The following NETO2 variants were observed in gnomAD, a reference collection of about 807,000 sequenced individuals.
The protein encoded by NETO2 is neuropilin and tolloid-like protein 2.
A neutral mutation model predicts 62.5 loss-of-function variants in NETO2; 28 were observed. The observed-to-expected ratio is 0.45, with a 90% CI of 0.33 to 0.61. The LOEUF (loss-of-function observed/expected upper bound fraction) is 0.61. NETO2 is among the 20% of genes least tolerant of loss of function. The probability of loss-of-function intolerance (pLI) is 0.02; values close to 1 mark genes in which losing one functional copy is unlikely to be tolerated. For missense variants in NETO2, 548 were observed against 643.2 expected, an observed-to-expected ratio of 0.85 and a Z score of 1.60; for synonymous variants, 214 against 219.1, an observed-to-expected ratio of 0.98 and a Z score of 0.21.
intron 6 of NETO2, among the ~76,000 whole-genome samples, chr16:47,110,338 A>G (rs1963768385): frequency 6.6e-6 from 1 of 152,212 alleles, no homozygotes; most frequent in Admixed American, 6.5e-5. Flanking sequence ...CTCTATTAGC[A>G]TCCCCCATTC....
At chr16:47,098,891 T>G (rs1240073933) in intron 7 of NETO2, among the ~76,000 whole-genome samples, 1 of 152,074 alleles carries the variant, frequency 6.6e-6, no homozygotes, top group Non-Finnish European at 1.5e-5. Context: ...TTTTTTTTTG[T>G]GTATGTGACG....
chr16:47,102,468 C>T (rs1963573228), intron 7 of NETO2, among the ~76,000 whole-genome samples: 1 of 151,742 alleles, frequency 6.6e-6, no homozygotes, highest in Admixed American at 6.6e-5. Context: ...AGCTTCTGCA[C>T]AGCAAAAGAA....
rs1259010852 is a variant in NETO2 at position 47,083,713 on chromosome 16, G to T, written c.1086C>A (p.Leu362=). ...GITSGIVLVL[L]IISILVQVKQ... Reference sequence around the variant, plus strand: ...TCACTTGTACTAAAATAGAAATAATGAGAAGGACCAAGACAATCCCTGAAG... The same window carrying T: ...TCACTTGTACTAAAATAGAAATAATTAGAAGGACCAAGACAATCCCTGAAG... The change falls in exon 9 of 9, where the codon CTC becomes CTA. Residue 362 remains leucine (L), a synonymous_variant. Coordinates refer to ENST00000562435, the MANE Select transcript of NETO2 (RefSeq NM_018092.5). The T allele has an allele frequency of 1.2e-6, 2 of 1,614,028 alleles. No individual in the cohort carries two copies. The highest frequency in any genetic ancestry group is 1.7e-6 in the Non-Finnish European group (2 of 1,180,018).
At position 47,078,596 on chromosome 16, in the gene NETO2, G is replaced by A. The variant is rs1439022306; in HGVS notation, c.*4625C>T. ...ATTAGCAGAGGTATATAAAACATAA[G>A]TGATTTTGCAGAAAACTAAAATATC... On this transcript the variant is annotated 3_prime_UTR_variant, in exon 9 of 9. Coordinates refer to ENST00000562435, the MANE Select transcript of NETO2 (RefSeq NM_018092.5). 6.6e-6 allele frequency: 1 copy of A among 152,154 alleles called. No individual in the cohort carries two copies. Among genetic ancestry groups the A allele is most frequent in the African/African-American group, 2.4e-5 (1 of 41,434 alleles). The allele number at this position is 152,154 out of a possible 1,614,324, so 9.4% of individuals were successfully genotyped here. A position where few individuals can be genotyped will look rare whatever the true frequency, so the allele number is the denominator to read the frequency against.
intron 7 of NETO2, among the ~76,000 whole-genome samples, chr16:47,108,306 A>G (rs1450825498): frequency 1.3e-5 from 2 of 152,210 alleles, no homozygotes; most frequent in Non-Finnish European, 1.5e-5. Flanking sequence ...TGCTAAAATT[A>G]GTGGGTTAGA....
intron 7 of NETO2, among the ~76,000 whole-genome samples, chr16:47,097,665 G>C (rs924874029): frequency 6.6e-6 from 1 of 152,146 alleles, no homozygotes; most frequent in African/African-American, 2.4e-5. Context: ...CACAGCACTC[G>C]AGCTCTCCTA....
chr16:47,081,231 A>C lies in NETO2; in HGVS notation c.*1990T>G, dbSNP rs1963055289. 2 of 152,176 alleles carry C rather than the reference A, an allele frequency of 1.3e-5. No homozygotes were observed. 9.4% of individuals were successfully genotyped at this position (152,176 alleles called of 1,614,324 possible). ...ATGCTAACTTCCCTTTTATCATCAT[A>C]AGATCATAGTTGTTGTTATATTAAG... On this transcript the variant is annotated 3_prime_UTR_variant, in exon 9 of 9. Coordinates refer to ENST00000562435, the MANE Select transcript of NETO2 (RefSeq NM_018092.5).
rs1963042526 is a variant in NETO2 at position 47,080,369 on chromosome 16, G to A, written c.*2852C>T. 4 of 152,202 alleles carry A rather than the reference G, an allele frequency of 2.6e-5. No homozygotes were observed. The South Asian group carries it at 8.3e-4, about 31-fold the overall frequency. 9.4% of individuals were successfully genotyped at this position (152,202 alleles called of 1,614,324 possible). A position where few individuals can be genotyped will look rare whatever the true frequency, so the allele number is the denominator to read the frequency against. ...TTTGTGTTCAACACTGGGACACTGT[G>A]TGGGGTACCCTGCGTGACAGTTAAT... On this transcript the variant is annotated 3_prime_UTR_variant, in exon 9 of 9. Transcript: ENST00000562435.
chr16:47,082,158 G>GT lies in NETO2; in HGVS notation c.*1062dup, dbSNP rs1426757069. Reference sequence around the variant, plus strand: ...AAGTGCAGTTTAAAAAAAAGTGGAAGTTGTTATTCTTGATAAGAGCTAGAA... The same window carrying GT: ...AAGTGCAGTTTAAAAAAAAGTGGAAGTTTGTTATTCTTGATAAGAGCTAGAA... On this transcript the variant is annotated 3_prime_UTR_variant, in exon 9 of 9. Transcript: ENST00000562435. The GT allele has an allele frequency of 1.3e-5, 2 of 152,590 alleles. No homozygotes were observed. The highest frequency in any genetic ancestry group is 4.8e-5 in the African/African-American group (2 of 41,454). 9.5% of individuals were successfully genotyped at this position (152,590 alleles called of 1,614,324 possible).
intron 6 of NETO2, among the ~76,000 whole-genome samples, chr16:47,111,468 T>G (rs1489499119): frequency 1.3e-5 from 2 of 152,234 alleles, no homozygotes; most frequent in Non-Finnish European, 2.9e-5. Context: ...GTTCAACAAA[T>G]TTTTGGGAAA....
At chr16:47,143,512 G>C (rs532367532) in intron 1 of NETO2, 67 bp downstream of exon 1, 2 of 1,215,100 alleles carry the variant, frequency 1.6e-6, no homozygotes, top group South Asian at 8.2e-5. Flanking sequence ...GCAGAGGCGC[G>C]GGCAGGGCGG....
chr16:47,133,122 T>C (rs1964300178), intron 1 of NETO2, among the ~76,000 whole-genome samples: 1 of 152,028 alleles, frequency 6.6e-6, no homozygotes, highest in Non-Finnish European at 1.5e-5. Flanking sequence ...GAAACGGAGT[T>C]TAACAGGAGA....
At chr16:47,137,208 C>A (rs149593878) in intron 1 of NETO2, among the ~76,000 whole-genome samples, 1 of 152,168 alleles carries the variant, frequency 6.6e-6, no homozygotes, top group Non-Finnish European at 1.5e-5. Flanking sequence ...TCACTGTGAC[C>A]GTGGTCCTCA....
At chr16:47,101,819 G>C (rs1001497285) in intron 7 of NETO2, among the ~76,000 whole-genome samples, 1 of 152,208 alleles carries the variant, frequency 6.6e-6, no homozygotes. Flanking sequence ...CATGCTCATG[G>C]ATAGGAAGAA....
At chr16:47,098,966 G>A (rs575108196) in intron 7 of NETO2, among the ~76,000 whole-genome samples, 5 of 152,148 alleles carry the variant, frequency 3.3e-5, no homozygotes, top group Admixed American at 1.3e-4. Flanking sequence ...ATGGGTTCAA[G>A]CAATTCTCTC....
chr16:47,095,578 A>G (rs972505747), intron 7 of NETO2, among the ~76,000 whole-genome samples: 3 of 152,208 alleles, frequency 2.0e-5, no homozygotes, highest in Non-Finnish European at 4.4e-5. Context: ...GACACGGTAT[A>G]TTGATAAAAG....
chr16:47,104,538 T>A (rs1400399767), intron 7 of NETO2, among the ~76,000 whole-genome samples: 1 of 152,136 alleles, frequency 6.6e-6, no homozygotes, highest in African/African-American at 2.4e-5. Flanking sequence ...ATCCTAAAGT[T>A]CATGAAATCT....
At chr16:47,138,139 C>T (rs1567402353) in intron 1 of NETO2, among the ~76,000 whole-genome samples, 1 of 152,260 alleles carries the variant, frequency 6.6e-6, no homozygotes, top group South Asian at 2.1e-4. Flanking sequence ...CGGTGACTCA[C>T]GCCTGTAATC....
chr16:47,104,077 G>C (rs1458051823), intron 7 of NETO2, among the ~76,000 whole-genome samples: 1 of 151,994 alleles, frequency 6.6e-6, no homozygotes, highest in African/African-American at 2.4e-5. Flanking sequence ...AAGATAAAAG[G>C]TTTTCTCTGT....
Sources: allele counts gnomAD v4.1 joint callset (sites outside exome capture counted in the v4.1 genomes callset), GRCh38; gene constraint gnomAD v4.1.1; transcripts MANE v1.5; gene names NCBI Gene and HGNC (gene_info 2026-07-23, HGNC 2026-07-21).